Variants in TAAR5 observed in about 807,000 individuals in gnomAD.
TAAR5 encodes the protein trace amine-associated receptor 5.
A neutral mutation model predicts 21.1 loss-of-function variants in TAAR5; 27 were observed. That is an observed-to-expected ratio of 1.28 (90% CI 0.94 to 1.76). The LOEUF is 1.76. Among genes scored for constraint, TAAR5 ranks in the 40% most tolerant of loss-of-function variants. The probability of loss-of-function intolerance (pLI) is 0.00; values close to 1 mark genes in which losing one functional copy is unlikely to be tolerated. For synonymous variants in TAAR5, 203 were observed against 167.5 expected (o/e 1.21, Z -1.64); for missense variants, 495 against 405.6 (o/e 1.22, Z -1.89).
the TAAR5 span, chr6:132,595,149 C>T: frequency 1.3e-5 from 2 of 152,944 alleles, no homozygotes; most frequent in East Asian, 1.9e-4. Context: ...ACCAGCAGGA[C>T]TCGATGGATG....
the TAAR5 span, chr6:132,608,745 G>C: frequency 1.5e-5 from 7 of 455,848 alleles, no homozygotes; most frequent in Admixed American, 1.6e-4. Flanking sequence ...GTATCTTATA[G>C]CTCTGCATAC....
At chr6:132,604,909 G>A in the TAAR5 span, among the ~76,000 whole-genome samples, 18 of 152,314 alleles carry the variant, frequency 1.2e-4, no homozygotes, top group African/African-American at 2.6e-4. Context: ...GACCGAACGT[G>A]TCAGGGGAAG....
the TAAR5 span, among the ~76,000 whole-genome samples, chr6:132,614,655 G>A: frequency 6.6e-6 from 1 of 152,262 alleles, no homozygotes; most frequent in African/African-American, 2.4e-5. Context: ...GGAAATTCCA[G>A]AAAGTTTAGT....
At chr6:132,597,425 T>C in the TAAR5 span, among the ~76,000 whole-genome samples, 1 of 152,130 alleles carries the variant, frequency 6.6e-6, no homozygotes, top group Non-Finnish European at 1.5e-5. Context: ...CACATGAAAA[T>C]ATGACTGCTG....
the TAAR5 span, among the ~76,000 whole-genome samples, chr6:132,611,108 C>T: frequency 2.0e-5 from 3 of 151,804 alleles, no homozygotes; most frequent in Non-Finnish European, 2.9e-5. Context: ...GAAATCTTGT[C>T]ATCTGCAACA....
At chr6:132,608,045 T>C in the TAAR5 span, among the ~76,000 whole-genome samples, 16,828 of 152,218 alleles carry the variant, frequency 0.11, 995 homozygotes, top group East Asian at 0.19. Context: ...GGGTTAACAA[T>C]TAACAAATAA....
At chr6:132,597,386 C>G in the TAAR5 span, among the ~76,000 whole-genome samples, 1 of 152,048 alleles carries the variant, frequency 6.6e-6, no homozygotes, top group African/African-American at 2.4e-5. Context: ...ATCTTAAGCT[C>G]TTGGTGAAAA....
chr6:132,596,819 T>A, the TAAR5 span, among the ~76,000 whole-genome samples: 1 of 152,166 alleles, frequency 6.6e-6, no homozygotes, highest in Admixed American at 6.5e-5. Flanking sequence ...TACTAGTCAG[T>A]TTGGTTCCAA....
At chr6:132,602,862 T>G in the TAAR5 span, among the ~76,000 whole-genome samples, 2 of 151,558 alleles carry the variant, frequency 1.3e-5, no homozygotes, top group Non-Finnish European at 2.9e-5. Flanking sequence ...AAAAAATGTT[T>G]TGTTTTATTT....
the TAAR5 span, chr6:132,608,327 T>C: frequency 2.2e-6 from 1 of 455,778 alleles, no homozygotes; most frequent in Admixed American, 2.4e-5. Context: ...TTGAATGCTT[T>C]CTGAAACCAT....
chr6:132,589,581 C>A lies in TAAR5; in HGVS notation c.106G>T (p.Val36Phe), dbSNP rs1259867730. Residue 36 changes from valine (V) to phenylalanine (F), a missense_variant, in exon 1 of 1, where the codon GTC (valine) becomes TTC (phenylalanine). Transcript: ENST00000258034. ...CCTGCTGCACAGGCCAGGTAGATGACCAACTGGATGCCCAGAGTATGTACT... is the reference window on the plus strand; with the variant it reads ...CCTGCTGCACAGGCCAGGTAGATGAACAACTGGATGCCCAGAGTATGTACT... ...RTVHTLGIQL[V>F]IYLACAAGML... 1 of 1,613,782 alleles carries A rather than the reference C, an allele frequency of 6.2e-7. No homozygotes were observed. The highest frequency in any genetic ancestry group is 8.5e-7 in the Non-Finnish European group (1 of 1,179,906).
At chr6:132,611,114 CA>C in the TAAR5 span, among the ~76,000 whole-genome samples, 1 of 151,460 alleles carries the variant, frequency 6.6e-6, no homozygotes, top group African/African-American at 2.4e-5. Context: ...TTGTCATCTG[CA>C]ACAGCATGAG....
chr6:132,611,061 G>A, the TAAR5 span, among the ~76,000 whole-genome samples: 1 of 152,138 alleles, frequency 6.6e-6, no homozygotes, highest in Admixed American at 6.6e-5. Flanking sequence ...GGACATGCCT[G>A]ATCAATATTA....
chr6:132,608,732 C>T, the TAAR5 span: 3 of 455,890 alleles, frequency 6.6e-6, no homozygotes, highest in South Asian at 4.6e-5. Flanking sequence ...AAGCAAGCAA[C>T]AAGTATCTTA....
upstream of TAAR5, among the ~76,000 whole-genome samples, chr6:132,592,282 A>C (rs1776916752): frequency 6.6e-6 from 1 of 152,236 alleles, no homozygotes; most frequent in Non-Finnish European, 1.5e-5. Flanking sequence ...GCCAACTTTA[A>C]CAAAATCGAT....
the TAAR5 span, chr6:132,595,428 C>T: frequency 2.6e-5 from 4 of 152,132 alleles, no homozygotes; most frequent in Non-Finnish European, 5.9e-5. Flanking sequence ...GAGGGTCAGG[C>T]AAATTCATCA....
At chr6:132,598,809 A>G in the TAAR5 span, among the ~76,000 whole-genome samples, 70,827 of 151,848 alleles carry the variant, frequency 0.47, 16,948 homozygotes, top group African/African-American at 0.56. Context: ...GACTAGCCTC[A>G]CACAAGGCCA....
chr6:132,594,692 T>C (rs575217474), upstream of TAAR5: 13 of 152,286 alleles, frequency 8.5e-5, no homozygotes, highest in African/African-American at 3.1e-4. Flanking sequence ...GGATGCCTTT[T>C]TTTTTGCTTT....
chr6:132,591,595 A>G (rs553459430), upstream of TAAR5, among the ~76,000 whole-genome samples: 3 of 152,330 alleles, frequency 2.0e-5, no homozygotes, highest in Middle Eastern at 3.4e-3. Context: ...ATATTGCATT[A>G]CTAGGTACCT....
Sources: allele counts gnomAD v4.1 joint callset (sites outside exome capture counted in the v4.1 genomes callset), GRCh38; gene constraint gnomAD v4.1.1; transcripts MANE v1.5; gene names NCBI Gene and HGNC (gene_info 2026-07-23, HGNC 2026-07-21).